Variants in SAMD8 observed in about 807,000 individuals in gnomAD.
The protein encoded by SAMD8 is sterile alpha motif domain containing 8, also known as sphingomyelin synthase-related protein 1.
In SAMD8, 20 loss-of-function variants were observed where a neutral mutation model predicts 42.0. That is an observed-to-expected ratio of 0.48 (90% CI 0.34 to 0.69). SAMD8 has a LOEUF of 0.69. Ranked by LOEUF, SAMD8 falls within the 30% of genes least tolerant of loss-of-function variation. SAMD8 has a pLI of 0.01. For synonymous variants in SAMD8, 162 were observed against 173.0 expected, an observed-to-expected ratio of 0.94 and a Z score of 0.50; for missense variants, 328 against 511.6, an observed-to-expected ratio of 0.64 and a Z score of 3.46.
In SAMD8 at chr10:75,103,112, C is replaced by A. The variant is rs117522752; in HGVS notation, c.-16+3384C>A. 6.9e-3 allele frequency among the ~76,000 whole-genome samples: 1,048 copies of A among 152,296 alleles called. 18 individuals are homozygous for A. Among genetic ancestry groups the A allele is most frequent in the Non-Finnish European group, 6.1e-3 (414 of 68,028 alleles). The stretch of plus-strand genomic sequence containing the variant: ...TCCAGCCTAAGCAACTGGAGTGAGA[C>A]CCTCTCCCTTGGCCTTCAAGGGTAT... On this transcript the variant is annotated intron_variant, in intron 1 of 3. Transcript: ENST00000447533.
chr10:75,135,229 G>A (rs1405364410), intron 1 of SAMD8, among the ~76,000 whole-genome samples: 1 of 151,958 alleles, frequency 6.6e-6, no homozygotes, highest in Non-Finnish European at 1.5e-5. Flanking sequence ...GAGGCGGGCT[G>A]ATCACCTGAG....
Position 75,116,361 on chromosome 10 carries a change from C to A in SAMD8, c.-16+4639C>A, listed in dbSNP as rs143337224. ...CCTCGAGCAGTCCTCCCACCTCAGCCTCCCAAAGTGCTAGGATTACAGGTG... is the reference window on the plus strand; with the variant it reads ...CCTCGAGCAGTCCTCCCACCTCAGCATCCCAAAGTGCTAGGATTACAGGTG... On this transcript the variant is annotated intron_variant, in intron 1 of 5. Coordinates refer to ENST00000542569, the MANE Select transcript of SAMD8 (RefSeq NM_001174156.2). Among the ~76,000 whole-genome samples the A allele has an allele frequency of 1.4e-3, 212 of 152,286 alleles. 2 individuals carry two copies. The East Asian group carries it at 0.033, about 23-fold the overall frequency.
chr10:75,171,546 A>C (rs943003605), intron 4 of SAMD8, among the ~76,000 whole-genome samples: 8 of 152,062 alleles, frequency 5.3e-5, no homozygotes, highest in Admixed American at 1.3e-4. Flanking sequence ...CATCTTTTTA[A>C]CAGTATTCCA....
chr10:75,133,920 A>G (rs535735226), intron 1 of SAMD8, among the ~76,000 whole-genome samples: 2 of 152,302 alleles, frequency 1.3e-5, no homozygotes, highest in East Asian at 1.9e-4. Context: ...TTATGGCTGC[A>G]TAGTATTCCG....
At chr10:75,141,494 C>T (rs1840013507) in intron 1 of SAMD8, among the ~76,000 whole-genome samples, 1 of 151,110 alleles carries the variant, frequency 6.6e-6, no homozygotes. Flanking sequence ...AAGTTGTCAG[C>T]AAATAGAGTT....
At chr10:75,156,327 A>T (rs1246512437) in intron 2 of SAMD8, among the ~76,000 whole-genome samples, 4 of 152,222 alleles carry the variant, frequency 2.6e-5, no homozygotes, top group Non-Finnish European at 4.4e-5. Context: ...AAGCTCTTCA[A>T]GAATAATACG....
At chr10:75,156,831 A>G (rs1589966033) in intron 2 of SAMD8, among the ~76,000 whole-genome samples, 1 of 152,268 alleles carries the variant, frequency 6.6e-6, no homozygotes, top group East Asian at 1.9e-4. Flanking sequence ...TAGATCCTAT[A>G]TCAAGAAAAC....
upstream of SAMD8, chr10:75,108,411 G>T: frequency 1.1e-6 from 1 of 932,816 alleles, no homozygotes; most frequent in Non-Finnish European, 1.5e-6. Context: ...CGGTGTGTGT[G>T]TCGGGGGATC....
At chr10:75,151,170 T>C in intron 2 of SAMD8, 64 bp downstream of exon 2, 1 of 792,462 alleles carries the variant, frequency 1.3e-6, no homozygotes, top group Non-Finnish European at 1.9e-6. Context: ...AATGATACTA[T>C]ATTTATGATA....
In SAMD8 at chr10:75,181,890, G is replaced by A. The variant is rs1041924603; in HGVS notation, c.*5198G>A. On this transcript the variant is annotated 3_prime_UTR_variant, in exon 6 of 6. Transcript: ENST00000542569. ...AAGCAAAATTAGCTGGGACTAAAAC[G>A]GACATGTTTTGTTTTGTGAATTCTA... is the stretch of plus-strand genomic sequence containing the variant. 2.0e-5 allele frequency: 3 copies of A among 152,090 alleles called. No individual in the cohort carries two copies. Among genetic ancestry groups the A allele is most frequent in the Non-Finnish European group, 2.9e-5 (2 of 68,014 alleles). The allele number at this position is 152,090 out of a possible 1,614,324, so 9.4% of individuals were successfully genotyped here.
chr10:75,120,516 G>A (rs1440827823), intron 1 of SAMD8, among the ~76,000 whole-genome samples: 2 of 152,006 alleles, frequency 1.3e-5, no homozygotes, highest in Non-Finnish European at 2.9e-5. Context: ...TGATCCGCCC[G>A]CCTCAGCCTC....
At chr10:75,147,408 C>A (rs989027907) in intron 1 of SAMD8, among the ~76,000 whole-genome samples, 2 of 152,108 alleles carry the variant, frequency 1.3e-5, no homozygotes, top group African/African-American at 4.8e-5. Flanking sequence ...CTAACTGCAA[C>A]CTTTGCCTGC....
chr10:75,164,461 C>T lies in SAMD8; in HGVS notation c.579-184C>T, dbSNP rs187281325. 23 of 971,168 alleles carry T rather than the reference C, an allele frequency of 2.4e-5. No individual in the cohort carries two copies. The African/African-American group carries it at 4.0e-4, about 17-fold the overall frequency. 60.2% of individuals were successfully genotyped at this position (971,168 alleles called of 1,614,324 possible). A position where few individuals can be genotyped will look rare whatever the true frequency, so the allele number is the denominator to read the frequency against. ...GAATCAATGGACAAGAAACAGGTTC[C>T]GATAGGTGGGGGTACTTTATGACAC... On this transcript the variant is annotated intron_variant, in intron 2 of 5. Transcript: ENST00000542569.
At chr10:75,112,272 G>T (rs1351112718) in intron 1 of SAMD8, among the ~76,000 whole-genome samples, 1 of 152,240 alleles carries the variant, frequency 6.6e-6, no homozygotes. Flanking sequence ...TTGACTAGAA[G>T]GAGGAGGGCT....
chr10:75,130,212 C>G (rs909216089), intron 1 of SAMD8, among the ~76,000 whole-genome samples: 3 of 151,834 alleles, frequency 2.0e-5, no homozygotes, highest in Non-Finnish European at 2.9e-5. Context: ...AAAAAAACAC[C>G]TATGATCAGC....
At chr10:75,105,188 C>T (rs371624231) in intron 1 of SAMD8, among the ~76,000 whole-genome samples, 1 of 152,232 alleles carries the variant, frequency 6.6e-6, no homozygotes, top group South Asian at 2.1e-4. Flanking sequence ...GGCACTGTAC[C>T]TGGGGTCCAG....
rs1480329594 is a variant in SAMD8 at position 75,116,903 on chromosome 10, G to A, written c.-16+5181G>A. ...CAGTTCATAGCAACCTTCGCCTCCC[G>A]GGTTCAAGCAATTCTCCCACCTCAG... On this transcript the variant is annotated intron_variant, in intron 1 of 5. Coordinates refer to ENST00000542569, the MANE Select transcript of SAMD8 (RefSeq NM_001174156.2). 1.6e-4 allele frequency among the ~76,000 whole-genome samples: 25 copies of A among 152,066 alleles called. No homozygotes were observed. The East Asian group carries it at 2.9e-3, about 18-fold the overall frequency.
intron 1 of SAMD8, among the ~76,000 whole-genome samples, chr10:75,146,272 CTTTTTTTT>C (rs202162176): frequency 4.7e-4 from 32 of 68,144 alleles, no homozygotes; most frequent in African/African-American, 2.0e-3. Context: ...TGTCTTGACA[CTTTTTTTT>C]TTTTTTTTTT....
rs1396982406 is a variant in SAMD8 at position 75,150,641 on chromosome 10, G to A, written c.113G>A (p.Arg38Gln). The A allele has an allele frequency of 5.0e-6, 8 of 1,614,136 alleles. No homozygotes were observed. Among genetic ancestry groups the A allele is most frequent in the Non-Finnish European group, 6.8e-6 (8 of 1,180,038 alleles). ...GTGGACATTTTATGCAATAAGCACCGACTTGATGGAATCACATTGCTAACA... is the reference window on the plus strand; with the variant it reads ...GTGGACATTTTATGCAATAAGCACCAACTTGATGGAATCACATTGCTAACA... Reference protein sequence around the residue: ...EYVDILCNKHRLDGITLLTLT... With the variant: ...EYVDILCNKHQLDGITLLTLT... The change falls in exon 2 of 6, where the codon CGA (arginine) becomes CAA (glutamine). Residue 38 changes from arginine to glutamine, a missense_variant. By Grantham distance (43) the Arg-to-Gln change is conservative. Transcript: ENST00000542569.
Sources: allele counts gnomAD v4.1 joint callset (sites outside exome capture counted in the v4.1 genomes callset), GRCh38; gene constraint gnomAD v4.1.1; transcripts MANE v1.5; gene names NCBI Gene and HGNC (gene_info 2026-07-23, HGNC 2026-07-21).